ARSB: variants seen among roughly 807,000 people sequenced by gnomAD.
ARSB encodes the protein arylsulfatase B, also known as N-acetylgalactosamine-4-sulfatase.
Under a neutral mutation model 50.9 loss-of-function variants are expected in ARSB, and 41 were observed. That is an observed-to-expected ratio of 0.81 (90% CI 0.63 to 1.04). ARSB has a LOEUF of 1.04. Among genes scored for constraint, ARSB ranks in the 50% least tolerant of loss-of-function variants. ARSB has a pLI of 0.00. For synonymous variants in ARSB, 269 were observed against 284.8 expected (o/e 0.94, Z 0.56); for missense variants, 672 against 693.3 (o/e 0.97, Z 0.35).
chr5:78,840,109 G>T (rs889600566), intron 5 of ARSB, among the ~76,000 whole-genome samples: 13 of 152,332 alleles, frequency 8.5e-5, no homozygotes, highest in African/African-American at 3.1e-4. Flanking sequence ...TCTCAAAGCA[G>T]TGTTCTTAAG....
chr5:78,860,149 C>G (rs1746358712), intron 5 of ARSB, among the ~76,000 whole-genome samples: 1 of 152,076 alleles, frequency 6.6e-6, no homozygotes, highest in South Asian at 2.1e-4. Flanking sequence ...CCGCTTGGTC[C>G]AGAGCTGAGT....
At chr5:78,919,984 G>A (rs942370998) in intron 4 of ARSB, among the ~76,000 whole-genome samples, 1 of 152,158 alleles carries the variant, frequency 6.6e-6, no homozygotes, top group African/African-American at 2.4e-5. Context: ...TGGCTGCTAA[G>A]TGCCCAGACT....
intron 6 of ARSB, among the ~76,000 whole-genome samples, chr5:78,827,499 C>T (rs769070201): frequency 1.9e-4 from 29 of 152,226 alleles, no homozygotes; most frequent in Non-Finnish European, 3.4e-4. Context: ...GCATGAGCCA[C>T]TGTGCCCAGC....
At chr5:78,902,775 G>C (rs1009218040) in intron 4 of ARSB, among the ~76,000 whole-genome samples, 1 of 152,162 alleles carries the variant, frequency 6.6e-6, no homozygotes, top group South Asian at 2.1e-4. Flanking sequence ...AGGGAGTTGG[G>C]AGTAACTGCT....
rs991752275 is a variant in ARSB at position 78,950,254 on chromosome 5, C to T, written c.898+5041G>A. On this transcript the variant is annotated intron_variant, in intron 4 of 7. Coordinates refer to ENST00000264914, the MANE Select transcript of ARSB (RefSeq NM_000046.5). ...GAAACCCCATCACAACATAAGAAAC[C>T]AAGATGGACAGACAGCTTATAATGC... is the stretch of plus-strand genomic sequence containing the variant. 3.3e-5 allele frequency among the ~76,000 whole-genome samples: 5 copies of T among 152,216 alleles called. No homozygotes were observed. The South Asian group carries it at 1.0e-3, about 32-fold the overall frequency.
chr5:78,912,389 A>G (rs1749348913), intron 4 of ARSB, among the ~76,000 whole-genome samples: 1 of 152,232 alleles, frequency 6.6e-6, no homozygotes, highest in Non-Finnish European at 1.5e-5. Flanking sequence ...GATTTGGTGA[A>G]GCCCACAGCT....
At chr5:78,979,861 G>A (rs1365213636) in intron 1 of ARSB, among the ~76,000 whole-genome samples, 1 of 152,122 alleles carries the variant, frequency 6.6e-6, no homozygotes, top group African/African-American at 2.4e-5. Context: ...GTTCACAGCA[G>A]CATTATTCAT....
At chr5:78,843,511 T>A (rs1407035028) in intron 5 of ARSB, among the ~76,000 whole-genome samples, 11 of 152,230 alleles carry the variant, frequency 7.2e-5, no homozygotes, top group Non-Finnish European at 1.2e-4. Context: ...AGTTTCAGCC[T>A]GGGCATAAAG....
At chr5:78,812,109 A>G (rs1460309444) in intron 6 of ARSB, among the ~76,000 whole-genome samples, 4 of 152,176 alleles carry the variant, frequency 2.6e-5, no homozygotes, top group Admixed American at 6.5e-5. Context: ...ACATCTGCAT[A>G]TGTGTTCACA....
In ARSB at chr5:78,907,038, C is replaced by T. The variant is rs80010460; in HGVS notation, c.899-21211G>A. 5.0e-3 allele frequency among the ~76,000 whole-genome samples: 756 copies of T among 152,254 alleles called. 8 individuals are homozygous for T. Among genetic ancestry groups the T allele is most frequent in the African/African-American group, 0.017 (710 of 41,558 alleles). On this transcript the variant is annotated intron_variant, in intron 4 of 7. Transcript: ENST00000264914. ...CCCTGCTTTCGAGGGAGGCAACATC[C>T]ACAGAAAGCATAGCCTATGTGAAAA...
At chr5:78,883,721 A>G (rs1747869298) in intron 5 of ARSB, 1 of 152,178 alleles carries the variant, frequency 6.6e-6, no homozygotes. Flanking sequence ...GAGGCCCATT[A>G]GAGAGGAACC....
chr5:78,794,115 A>G (rs943208393), intron 6 of ARSB, among the ~76,000 whole-genome samples: 1 of 152,114 alleles, frequency 6.6e-6, no homozygotes, highest in Non-Finnish European at 1.5e-5. Context: ...ATCTAACCAC[A>G]CTGCTGGAAT....
intron 1 of ARSB, among the ~76,000 whole-genome samples, chr5:78,984,720 G>A (rs983599912): frequency 2.6e-5 from 4 of 152,140 alleles, no homozygotes; most frequent in East Asian, 3.9e-4. Context: ...CCGGGGCGCG[G>A]GTCCGCGGGG....
chr5:78,943,408 G>C (rs1161498352), intron 4 of ARSB, among the ~76,000 whole-genome samples: 1 of 152,186 alleles, frequency 6.6e-6, no homozygotes, highest in East Asian at 1.9e-4. Context: ...TTTTGCAGTG[G>C]CTGGTATCAG....
chr5:78,863,171 A>G (rs1746533873), intron 5 of ARSB, among the ~76,000 whole-genome samples: 1 of 152,236 alleles, frequency 6.6e-6, no homozygotes, highest in Non-Finnish European at 1.5e-5. Context: ...AGTGTAAACT[A>G]GTTCAACCAT....
intron 4 of ARSB, among the ~76,000 whole-genome samples, chr5:78,945,962 C>T (rs1221937586): frequency 6.6e-6 from 1 of 152,148 alleles, no homozygotes; most frequent in African/African-American, 2.4e-5. Context: ...CCTAATATTC[C>T]CACTGCATAA....
chr5:78,822,672 C>G (rs1208333351), intron 6 of ARSB, among the ~76,000 whole-genome samples: 1 of 152,182 alleles, frequency 6.6e-6, no homozygotes, highest in Non-Finnish European at 1.5e-5. Flanking sequence ...GAGTCTTGCT[C>G]TGTCACCCAG....
chr5:78,932,456 T>C (rs1047762461), intron 4 of ARSB, among the ~76,000 whole-genome samples: 2 of 152,230 alleles, frequency 1.3e-5, no homozygotes, highest in African/African-American at 4.8e-5. Flanking sequence ...AAACATTGTG[T>C]GGGGATTGTC....
rs519616 is a variant in ARSB at position 78,978,200 on chromosome 5, G to A, written c.312+6737C>T. 9.2e-3 allele frequency among the ~76,000 whole-genome samples: 1,398 copies of A among 151,852 alleles called. 21 individuals are homozygous for A. Among genetic ancestry groups the A allele is most frequent in the African/African-American group, 0.033 (1,348 of 41,376 alleles). ...TTAAAAATACAAAAACTAGGTAGGC[G>A]TGGTGGTGGGTGCCTATAGTCCCAG... On this transcript the variant is annotated intron_variant, in intron 1 of 7. Coordinates refer to ENST00000264914, the MANE Select transcript of ARSB (RefSeq NM_000046.5).
Sources: gnomAD v4.1 joint callset for allele counts (sites outside exome capture counted in the v4.1 genomes callset) on GRCh38, gnomAD v4.1.1 for gene constraint, MANE v1.5 for transcripts, NCBI Gene and HGNC (gene_info 2026-07-23, HGNC 2026-07-21) for gene names.